CSMD1: variants seen among roughly 807,000 people sequenced by gnomAD.
CSMD1 encodes the protein CUB and Sushi multiple domains 1, also known as CUB and sushi domain-containing protein 1.
Under a neutral mutation model 417.5 loss-of-function variants are expected in CSMD1, and 213 were observed. The observed-to-expected ratio is 0.51, with a 90% CI of 0.46 to 0.57. The LOEUF is 0.57. CSMD1 is among the 20% of genes least tolerant of loss of function. The pLI, the probability that CSMD1 is intolerant of heterozygous loss-of-function variation, is 0.00. For synonymous variants in CSMD1, 2,862 were observed against 1,736.8 expected, an observed-to-expected ratio of 1.65 and a Z score of -16.11; for missense variants, 6,923 against 4,529.7, an observed-to-expected ratio of 1.53 and a Z score of -15.17.
chr8:3,387,772 C>T, intron 17 of CSMD1, 90 bp from the exon 18 acceptor site: 1 of 1,054,096 alleles, frequency 9.5e-7, no homozygotes, highest in Non-Finnish European at 1.4e-6. Flanking sequence ...GAAATAGTCT[C>T]AGAAATAATA....
intron 7 of CSMD1, among the ~76,000 whole-genome samples, chr8:3,685,834 C>A (rs183619458): frequency 2.6e-5 from 4 of 151,882 alleles, no homozygotes; most frequent in South Asian, 4.2e-4. Flanking sequence ...CACAGGCATG[C>A]GACGTAAAAT....
chr8:3,187,798 G>C, intron 36 of CSMD1, 71 bp downstream of exon 36: 1 of 1,119,026 alleles, frequency 8.9e-7, no homozygotes, highest in Non-Finnish European at 1.3e-6. Context: ...AGTGTTTGCT[G>C]TTATTTATGT....
intron 7 of CSMD1, among the ~76,000 whole-genome samples, chr8:3,696,952 G>A (rs1426220355): frequency 3.9e-5 from 6 of 152,088 alleles, no homozygotes. Flanking sequence ...GGGCCACGTG[G>A]ACTATAGAGT....
chr8:4,961,560 G>T (rs1035647379), intron 1 of CSMD1, among the ~76,000 whole-genome samples: 6 of 152,032 alleles, frequency 3.9e-5, no homozygotes, highest in Non-Finnish European at 5.9e-5. Context: ...TTTTGAAGAC[G>T]TTAACCATTG....
chr8:4,978,054 C>T (rs1047639371), intron 1 of CSMD1, among the ~76,000 whole-genome samples: 1 of 152,192 alleles, frequency 6.6e-6, no homozygotes, highest in Admixed American at 6.5e-5. Context: ...CAGCCAGACT[C>T]AGCATACCTG....
At chr8:3,633,790 C>A (rs1428271311) in intron 7 of CSMD1, among the ~76,000 whole-genome samples, 1 of 152,156 alleles carries the variant, frequency 6.6e-6, no homozygotes, top group Admixed American at 6.5e-5. Flanking sequence ...GATATTACTT[C>A]TCAAGTATCC....
intron 42 of CSMD1, among the ~76,000 whole-genome samples, chr8:3,112,249 C>A (rs1816563971): frequency 6.6e-6 from 1 of 152,160 alleles, no homozygotes; most frequent in Non-Finnish European, 1.5e-5. Flanking sequence ...ACTCATGAAA[C>A]CAATTAGGCT....
chr8:3,993,552 A>T (rs908239145), intron 5 of CSMD1, among the ~76,000 whole-genome samples: 1 of 152,224 alleles, frequency 6.6e-6, no homozygotes, highest in Non-Finnish European at 1.5e-5. Context: ...TGCTGGTTTA[A>T]CAGGAACAAA....
chr8:4,814,542 T>G (rs557256923), intron 1 of CSMD1, among the ~76,000 whole-genome samples: 2 of 152,144 alleles, frequency 1.3e-5, no homozygotes, highest in South Asian at 2.1e-4. Flanking sequence ...GTAATAATAA[T>G]AGATTAATTA....
At chr8:3,846,910 G>C (rs1482179923) in intron 5 of CSMD1, among the ~76,000 whole-genome samples, 1 of 152,122 alleles carries the variant, frequency 6.6e-6, no homozygotes, top group African/African-American at 2.4e-5. Flanking sequence ...CCTGACCTTA[G>C]GTGATCCACC....
chr8:4,015,567 G>A (rs1796480049), intron 4 of CSMD1, among the ~76,000 whole-genome samples: 1 of 149,978 alleles, frequency 6.7e-6, no homozygotes, highest in South Asian at 2.1e-4. Context: ...CAGTGCTACT[G>A]CTATGTTATT....
intron 39 of CSMD1, among the ~76,000 whole-genome samples, chr8:3,151,800 CA>C (rs571563755): frequency 5.5e-4 from 83 of 151,760 alleles, no homozygotes; most frequent in African/African-American, 1.9e-3. Flanking sequence ...GTTTGCGTCA[CA>C]GTCAGGCATC....
At chr8:3,664,131 A>C (rs1245166818) in intron 7 of CSMD1, among the ~76,000 whole-genome samples, 1 of 152,098 alleles carries the variant, frequency 6.6e-6, no homozygotes, top group East Asian at 1.9e-4. Context: ...TGCTGCACCC[A>C]TTGACTCGTC....
chr8:3,281,801 A>G (rs1563221267), intron 26 of CSMD1, among the ~76,000 whole-genome samples: 1 of 152,138 alleles, frequency 6.6e-6, no homozygotes, highest in Non-Finnish European at 1.5e-5. Flanking sequence ...GTCCCCACCC[A>G]TGTTGAATTG....
In CSMD1 at chr8:3,992,607, G is replaced by A. The variant is rs143945992; in HGVS notation, c.818+5296C>T. Among the ~76,000 whole-genome samples the A allele has an allele frequency of 5.0e-3, 763 of 152,212 alleles. 7 individuals carry two copies. The highest frequency in any genetic ancestry group is 0.011 in the African/African-American group (440 of 41,520). The stretch of plus-strand genomic sequence containing the variant: ...GAGACCAGCTTGGGCAACACAGTAC[G>A]TCCGTGTGTCTACAAAAAATGTTTT... On this transcript the variant is annotated intron_variant, in intron 5 of 69. Coordinates refer to ENST00000635120, the MANE Select transcript of CSMD1 (RefSeq NM_033225.6).
intron 3 of CSMD1, among the ~76,000 whole-genome samples, chr8:4,061,112 A>G (rs1236420061): frequency 6.6e-6 from 1 of 152,196 alleles, no homozygotes; most frequent in Non-Finnish European, 1.5e-5. Flanking sequence ...TATGGAGAAT[A>G]TAAAGATGGG....
At chr8:4,220,174 C>T (rs1204616037) in intron 3 of CSMD1, among the ~76,000 whole-genome samples, 1 of 152,196 alleles carries the variant, frequency 6.6e-6, no homozygotes, top group Non-Finnish European at 1.5e-5. Flanking sequence ...TCGTCTTGAA[C>T]TCCTGACGTC....
At chr8:4,281,542 T>C (rs1796785388) in intron 3 of CSMD1, among the ~76,000 whole-genome samples, 1 of 152,230 alleles carries the variant, frequency 6.6e-6, no homozygotes, top group Non-Finnish European at 1.5e-5. Context: ...TAAAGGTCCT[T>C]TAAAATGTTG....
In CSMD1 at chr8:3,087,181, G is replaced by A; in HGVS notation, c.7390C>T (p.Arg2464Ter). ...KVHYFCKPGY[R>*]MVGHSNATCR... is the part of the protein sequence containing the mutation. Reference sequence around the variant, plus strand: ...GTTGCATTGCTGTGGCCGACCATTCGGTATCCAGGCTTGCAAAAATAATGC... The same window carrying A: ...GTTGCATTGCTGTGGCCGACCATTCAGTATCCAGGCTTGCAAAAATAATGC... Residue 2464 changes from arginine to a stop codon, truncating the protein, a stop_gained, in exon 49 of 70, where the codon CGA becomes TGA. Coordinates refer to ENST00000635120, the MANE Select transcript of CSMD1 (RefSeq NM_033225.6). LOFTEE classifies it high-confidence loss of function. 1 of 1,613,928 alleles carries A rather than the reference G, an allele frequency of 6.2e-7. No individual in the cohort carries two copies. The highest frequency in any genetic ancestry group is 8.5e-7 in the Non-Finnish European group (1 of 1,179,900).
Sources: allele counts gnomAD v4.1 joint callset (sites outside exome capture counted in the v4.1 genomes callset), GRCh38; gene constraint gnomAD v4.1.1; transcripts MANE v1.5; gene names NCBI Gene and HGNC (gene_info 2026-07-23, HGNC 2026-07-21).